PUSL1: variants seen among roughly 807,000 people sequenced by gnomAD.
The protein encoded by PUSL1 is pseudouridine synthase like 1, also known as tRNA pseudouridine synthase-like 1.
In PUSL1, 51 loss-of-function variants were observed where a neutral mutation model predicts 30.7. The ratio of observed to expected loss-of-function variants is 1.66; its 90% CI spans 1.33 to 2.10. The LOEUF (loss-of-function observed/expected upper bound fraction) is 2.10. Ranked by LOEUF, PUSL1 falls within the 30% of genes most tolerant of loss-of-function variation. PUSL1 has a pLI of 0.00. For missense variants in PUSL1, 609 were observed against 427.6 expected (o/e 1.42, Z -3.74); for synonymous variants, 290 against 192.1 (o/e 1.51, Z -4.21).
chr1:1,308,758 C>T (rs1641910899), intron 1 of PUSL1, 38 bp downstream of exon 1: 3 of 1,482,782 alleles, frequency 2.0e-6, no homozygotes, highest in Non-Finnish European at 1.8e-6. Context: ...GCCACGTGGG[C>T]CCGGGCGGAG....
chr1:1,308,878 G>A, intron 1 of PUSL1, 37 bp from the exon 2 acceptor site: 7 of 1,416,326 alleles, frequency 4.9e-6, no homozygotes, highest in Non-Finnish European at 6.4e-6. Context: ...CCCAGGGCAG[G>A]GCGCCCCCGG....
In PUSL1 at chr1:1,309,774, G is replaced by A. The variant is rs747533976; in HGVS notation, c.567G>A (p.Pro189=). The change falls in exon 5 of 8, where the codon CCG becomes CCA. Residue 189 remains proline (P), a synonymous_variant. Coordinates refer to ENST00000379031, the MANE Select transcript of PUSL1 (RefSeq NM_153339.3). ...SAFQSAGSPV[P]SPVRTLRRVS... ...TCCAGTCCGCTGGCAGCCCGGTGCC[G>A]AGCCCCGTGCGAACGCTGCGCCGGG... is the stretch of plus-strand genomic sequence containing the variant. 5.7e-6 allele frequency: 9 copies of A among 1,570,428 alleles called. No individual in the cohort carries two copies. The South Asian group carries it at 5.8e-5, about 10-fold the overall frequency.
rs150971662 is a variant in PUSL1 at position 1,309,465 on chromosome 1, C to A, written c.335C>A (p.Ala112Asp). The A allele has an allele frequency of 5.6e-6, 9 of 1,602,986 alleles. No individual in the cohort carries two copies. Among genetic ancestry groups the A allele is most frequent in the African/African-American group, 1.3e-5 (1 of 74,714 alleles). ...LRHPAIRVLR[A>D]FRVPSDFHAR... ...ACCTGCCGCCATAGGGTCCTGCGGGCCTTCCGAGTGCCCAGCGACTTCCAC... is the reference window on the plus strand; with the variant it reads ...ACCTGCCGCCATAGGGTCCTGCGGGACTTCCGAGTGCCCAGCGACTTCCAC... The change falls in exon 4 of 8, where the codon GCC (alanine) becomes GAC (aspartate). Residue 112 changes from alanine to aspartate, a missense_variant. Coordinates refer to ENST00000379031, the MANE Select transcript of PUSL1 (RefSeq NM_153339.3).
chr1:1,310,064 C>G (rs1642034074), intron 5 of PUSL1: 1 of 535,396 alleles, frequency 1.9e-6, no homozygotes, highest in Admixed American at 3.6e-5. Flanking sequence ...GGGAAGGCTG[C>G]TTGTCTCTGA....
In PUSL1 at chr1:1,311,519, TG is replaced by T. The variant is rs1279571320; in HGVS notation, c.*142del. 2 of 882,456 alleles carry T rather than the reference TG, an allele frequency of 2.3e-6. No individual in the cohort carries two copies. The highest frequency in any genetic ancestry group is 3.6e-6 in the Non-Finnish European group (2 of 548,940). 54.7% of individuals were successfully genotyped at this position (882,456 alleles called of 1,614,324 possible). On this transcript the variant is annotated 3_prime_UTR_variant, in exon 8 of 8. Coordinates refer to ENST00000379031, the MANE Select transcript of PUSL1 (RefSeq NM_153339.3). Reference sequence around the variant, plus strand: ...CCTCCCTGCCCGGGTCCCAGCACCCTGGATGCCCGTCTCTGTCCCAGGCGGG... The same window carrying T: ...CCTCCCTGCCCGGGTCCCAGCACCCTGATGCCCGTCTCTGTCCCAGGCGGG...
At position 1,311,525 on chromosome 1, in the gene PUSL1, C is replaced by A; in HGVS notation, c.*146C>A. 1 of 855,836 alleles carries A rather than the reference C, an allele frequency of 1.2e-6. No homozygotes were observed. The highest frequency in any genetic ancestry group is 1.9e-6 in the Non-Finnish European group (1 of 524,772). The allele number at this position is 855,836 out of a possible 1,614,324, so 53.0% of individuals were successfully genotyped here. On this transcript the variant is annotated 3_prime_UTR_variant, in exon 8 of 8. Coordinates refer to ENST00000379031, the MANE Select transcript of PUSL1 (RefSeq NM_153339.3). ...TGCCCGGGTCCCAGCACCCTGGATG[C>A]CCGTCTCTGTCCCAGGCGGGATGGG...
chr1:1,309,165 T>C lies in PUSL1; in HGVS notation c.215T>C (p.Leu72Pro). 1.3e-6 allele frequency: 2 copies of C among 1,537,182 alleles called. No homozygotes were observed. The highest frequency in any genetic ancestry group is 2.4e-5 in the South Asian group (2 of 83,822). The change falls in exon 3 of 8, where the codon CTG becomes CCG. Residue 72 changes from leucine to proline, a missense_variant. Leu to Pro is a moderately conservative substitution (Grantham distance 98). Transcript: ENST00000379031. Reference protein sequence around the residue: ...SSRTDAGVHALSNAAHLDVQR... With the variant: ...SSRTDAGVHAPSNAAHLDVQR... The stretch of plus-strand genomic sequence containing the variant: ...CGCACGGACGCCGGGGTCCACGCCC[T>C]GAGCAACGCGGCGCACCTGGACGTC...
At position 1,309,279 on chromosome 1, in the gene PUSL1, C is replaced by T. The variant is rs1297759929; in HGVS notation, c.323+6C>T. ...CTGCGGCACCCGGCCATCAGGTGAG[C>T]CCGCGACCTAAGCAGCCCTGGGGCT... On this transcript the variant is annotated splice_donor_region_variant and intron_variant, in intron 3 of 7. Transcript: ENST00000379031. The T allele has an allele frequency of 2.6e-5, 38 of 1,476,824 alleles. No individual in the cohort carries two copies. Among genetic ancestry groups the T allele is most frequent in the Non-Finnish European group, 3.0e-5 (34 of 1,116,204 alleles). The allele number at this position is 1,476,824 out of a possible 1,614,324, so 91.5% of individuals were successfully genotyped here.
chr1:1,310,466 A>C (rs529403432), intron 5 of PUSL1, 168 bp from the exon 6 acceptor site: 1 of 657,388 alleles, frequency 1.5e-6, no homozygotes, highest in African/African-American at 1.8e-5. Flanking sequence ...AGCCCCTCCA[A>C]TGGGCCTCAC....
In PUSL1 at chr1:1,311,058, G is replaced by T. The variant is rs115163464; in HGVS notation, c.849G>T (p.Leu283=). ...ACGGCTTATTCCTCAAGTCAGTGCT[G>T]TACGGGAACCTCGGTAAGAAAAACA... is the stretch of plus-strand genomic sequence containing the variant. ...PAHGLFLKSV[L]YGNLGAASCT... Residue 283 remains leucine (L), a synonymous_variant, in exon 7 of 8, where the codon CTG becomes CTT. Coordinates refer to ENST00000379031, the MANE Select transcript of PUSL1 (RefSeq NM_153339.3). 4 of 1,600,562 alleles carry T rather than the reference G, an allele frequency of 2.5e-6. No individual in the cohort carries two copies. The highest frequency in any genetic ancestry group is 3.4e-6 in the Non-Finnish European group (4 of 1,170,332).
rs764750132 is a variant in PUSL1, at chr1:1,309,835, A to AC, written c.633dup (p.Glu212ArgfsTer14). Reference sequence around the variant, plus strand: ...CCCAGGCCAAGCCAGCCCCTTGGTCACCCCCGAGGAGAGCAGGTGAGGAAG... The same window carrying AC: ...CCCAGGCCAAGCCAGCCCCTTGGTCACCCCCCGAGGAGAGCAGGTGAGGAAG... On this transcript the variant is annotated frameshift_variant, in exon 5 of 8. Transcript: ENST00000379031. LOFTEE classifies it high-confidence loss of function. 2.6e-6 allele frequency: 4 copies of AC among 1,527,740 alleles called. No homozygotes were observed. The highest frequency in any genetic ancestry group is 1.4e-5 in the African/African-American group (1 of 72,378). The allele number at this position is 1,527,740 out of a possible 1,614,324, so 94.6% of individuals were successfully genotyped here. A position where few individuals can be genotyped will look rare whatever the true frequency, so the allele number is the denominator to read the frequency against.
intron 3 of PUSL1, 71 bp downstream of exon 3, chr1:1,309,344 G>A (rs1641958841): frequency 2.1e-6 from 3 of 1,457,556 alleles, no homozygotes; most frequent in South Asian, 2.7e-5. Context: ...GGAGGCTGGA[G>A]ATCTGGACAG....
At chr1:1,308,868 C>T in intron 1 of PUSL1, 47 bp from the exon 2 acceptor site, 1 of 1,423,332 alleles carries the variant, frequency 7.0e-7, no homozygotes. Context: ...CGGCGGAGAC[C>T]CCAGGGCAGG....
At position 1,310,622 on chromosome 1, in the gene PUSL1, GTA is replaced by G. The variant is rs766567168; in HGVS notation, c.645-10_645-9del. On this transcript the variant is annotated splice_polypyrimidine_tract_variant and intron_variant, in intron 5 of 7. Coordinates refer to ENST00000379031, the MANE Select transcript of PUSL1 (RefSeq NM_153339.3). ...CTGCCCCACAGACACCTACAGGTACGTATTTTTCCAGGAAGCTGCGGTTCTGG... is the reference window on the plus strand; with the variant it reads ...CTGCCCCACAGACACCTACAGGTACGTTTTTCCAGGAAGCTGCGGTTCTGG... 1.3e-6 allele frequency: 2 copies of G among 1,553,402 alleles called. No homozygotes were observed. The highest frequency in any genetic ancestry group is 1.7e-6 in the Non-Finnish European group (2 of 1,145,002).
chr1:1,309,486 TC>T lies in PUSL1; in HGVS notation c.358del (p.His120ThrfsTer118). 1 of 1,608,042 alleles carries T rather than the reference TC, an allele frequency of 6.2e-7. No individual in the cohort carries two copies. The highest frequency in any genetic ancestry group is 1.1e-5 in the South Asian group (1 of 90,316). On this transcript the variant is annotated frameshift_variant, in exon 4 of 8. Transcript: ENST00000379031. LOFTEE classifies it high-confidence loss of function. ...VLRAFRVPSD[F>X]HARHAATSRT... ...CGGGCCTTCCGAGTGCCCAGCGACT[TC>T]CACGCTCGTCACGCAGCCACGTCCC...
At position 1,308,904 on chromosome 1, in the gene PUSL1, T is replaced by A. The variant is rs1641922562; in HGVS notation, c.78-11T>A. ...GCGCCCCCGGTAACCTCCGCCCGCTTCTGCCCGCAGCGGGGTCGCGGCCGT... is the reference window on the plus strand; with the variant it reads ...GCGCCCCCGGTAACCTCCGCCCGCTACTGCCCGCAGCGGGGTCGCGGCCGT... On this transcript the variant is annotated splice_polypyrimidine_tract_variant and intron_variant, in intron 1 of 7. Coordinates refer to ENST00000379031, the MANE Select transcript of PUSL1 (RefSeq NM_153339.3). The A allele has an allele frequency of 7.8e-6, 11 of 1,413,816 alleles. No individual in the cohort carries two copies. The East Asian group carries it at 3.3e-4, about 42-fold the overall frequency. The allele number at this position is 1,413,816 out of a possible 1,614,324, so 87.6% of individuals were successfully genotyped here.
Position 1,311,624 on chromosome 1 carries a change from A to ACTGCTGTCTC in PUSL1, c.*254_*255insCCTGCTGTCT. The ACTGCTGTCTC allele has an allele frequency of 1.4e-6, 1 of 713,014 alleles. No homozygotes were observed. 44.2% of individuals were successfully genotyped at this position (713,014 alleles called of 1,614,324 possible). A position where few individuals can be genotyped will look rare whatever the true frequency, so the allele number is the denominator to read the frequency against. The stretch of plus-strand genomic sequence containing the variant: ...GTCTTTTGTTCAGCTTTTACTGGAA[A>ACTGCTGTCTC]CTGCTGTCTAGGACCACCTGCCCTA... On this transcript the variant is annotated 3_prime_UTR_variant, in exon 8 of 8. Coordinates refer to ENST00000379031, the MANE Select transcript of PUSL1 (RefSeq NM_153339.3).
chr1:1,309,618 G>C lies in PUSL1; in HGVS notation c.473+15G>C. The stretch of plus-strand genomic sequence containing the variant: ...CTCCCGGCAGAGTGAGTGTGGCCCT[G>C]ACAGCGGGGAGGGGGCGGGCAGGCC... On this transcript the variant is annotated intron_variant, in intron 4 of 7. Coordinates refer to ENST00000379031, the MANE Select transcript of PUSL1 (RefSeq NM_153339.3). 1 of 1,599,962 alleles carries C rather than the reference G, an allele frequency of 6.3e-7. No individual in the cohort carries two copies.
At position 1,309,461 on chromosome 1, in the gene PUSL1, C is replaced by T. The variant is rs765909677; in HGVS notation, c.331C>T (p.Arg111Trp). 5.6e-6 allele frequency: 9 copies of T among 1,601,022 alleles called. No homozygotes were observed. Among genetic ancestry groups the T allele is most frequent in the Middle Eastern group, 1.9e-4 (1 of 5,402 alleles). ...HLRHPAIRVL[R>W]AFRVPSDFHA... ...CTTTACCTGCCGCCATAGGGTCCTG[C>T]GGGCCTTCCGAGTGCCCAGCGACTT... Residue 111 changes from arginine to tryptophan, a missense_variant, in exon 4 of 8, where the codon CGG (arginine) becomes TGG (tryptophan). By Grantham distance (101) the Arg-to-Trp change is moderately radical. Coordinates refer to ENST00000379031, the MANE Select transcript of PUSL1 (RefSeq NM_153339.3).
Sources: gnomAD v4.1 joint callset for allele counts on GRCh38, gnomAD v4.1.1 for gene constraint, MANE v1.5 for transcripts, NCBI Gene and HGNC (gene_info 2026-07-23, HGNC 2026-07-21) for gene names.